Variants in PPP1R3G observed in about 807,000 individuals in gnomAD.
The protein encoded by PPP1R3G is protein phosphatase 1 regulatory subunit 3G.
A neutral mutation model predicts 2.0 loss-of-function variants in PPP1R3G; 3 were observed. The ratio of observed to expected loss-of-function variants is 1.47; its 90% CI spans 0.67 to 3.81. PPP1R3G has a LOEUF of 3.81. PPP1R3G is among the 30% of genes most tolerant of loss of function. The probability of loss-of-function intolerance (pLI) is 0.02; values close to 1 mark genes in which losing one functional copy is unlikely to be tolerated. For missense variants in PPP1R3G, 595 were observed against 517.0 expected (o/e 1.15, Z -1.46); for synonymous variants, 267 against 250.9 (o/e 1.06, Z -0.61).
In PPP1R3G at chr6:5,086,256, G is replaced by T; in HGVS notation, c.771G>T (p.Trp257Cys). The T allele has an allele frequency of 6.5e-7, 1 of 1,535,570 alleles. No homozygotes were observed. Among genetic ancestry groups the T allele is most frequent in the Non-Finnish European group, 8.7e-7 (1 of 1,146,704 alleles). Residue 257 changes from tryptophan (W) to cysteine (C), a missense_variant, in exon 1 of 1, where the codon TGG (tryptophan) becomes TGT (cysteine). Coordinates refer to ENST00000405617, the MANE Select transcript of PPP1R3G (RefSeq NM_001145115.3). ...CCGTGCGCTACACCTTTACCGAGTG[G>T]CGCTCCTTCCTGGACGTGCCGGCTG... ...AVTVRYTFTE[W>C]RSFLDVPAEL...
In PPP1R3G at chr6:5,087,392, G is replaced by A. The variant is rs1001912507; in HGVS notation, c.*830G>A. Reference sequence around the variant, plus strand: ...CTGCGAAAGGGCCCAAACTTCCCATGTGCTTTAAAATGTTCTGTAGAAAGT... The same window carrying A: ...CTGCGAAAGGGCCCAAACTTCCCATATGCTTTAAAATGTTCTGTAGAAAGT... On this transcript the variant is annotated 3_prime_UTR_variant, in exon 1 of 1. Coordinates refer to ENST00000405617, the MANE Select transcript of PPP1R3G (RefSeq NM_001145115.3). 2.0e-5 allele frequency: 3 copies of A among 152,212 alleles called. No homozygotes were observed. The highest frequency in any genetic ancestry group is 7.2e-5 in the African/African-American group (3 of 41,450). The allele number at this position is 152,212 out of a possible 1,614,324, so 9.4% of individuals were successfully genotyped here.
Position 5,085,680 on chromosome 6 carries a change from C to T in PPP1R3G, c.195C>T (p.Ala65=), listed in dbSNP as rs570579669. The T allele has an allele frequency of 5.8e-4, 901 of 1,548,226 alleles. 18 individuals carry two copies. In the South Asian group the frequency reaches 0.01, roughly 18 times the overall value. The change falls in exon 1 of 1, where the codon GCC becomes GCT. Residue 65 remains alanine (A), a synonymous_variant. Transcript: ENST00000405617. ...GDRPLSPKEE[A]APQEQEELLE... is the part of the protein sequence containing the mutation. Reference sequence around the variant, plus strand: ...GGCCCCTGTCCCCGAAGGAAGAGGCCGCCCCCCAGGAGCAGGAGGAGCTGC... The same window carrying T: ...GGCCCCTGTCCCCGAAGGAAGAGGCTGCCCCCCAGGAGCAGGAGGAGCTGC...
chr6:5,085,447 C>T lies in PPP1R3G; in HGVS notation c.-39C>T. On this transcript the variant is annotated 5_prime_UTR_variant, in exon 1 of 1. Transcript: ENST00000405617. ...GGAGTTAGTTAAGTCTCCAGAGGGG[C>T]CCGGTTCGGCCCGAGCAAGTCCAGG... is the stretch of plus-strand genomic sequence containing the variant. 1 of 1,441,704 alleles carries T rather than the reference C, an allele frequency of 6.9e-7. No homozygotes were observed. Among genetic ancestry groups the T allele is most frequent in the Non-Finnish European group, 9.3e-7 (1 of 1,073,196 alleles). The allele number at this position is 1,441,704 out of a possible 1,614,324, so 89.3% of individuals were successfully genotyped here.
rs1486756705 is a variant in PPP1R3G at position 5,087,025 on chromosome 6, G to C, written c.*463G>C. 6.3e-6 allele frequency: 1 copy of C among 159,884 alleles called. No individual in the cohort carries two copies. Among genetic ancestry groups the C allele is most frequent in the Non-Finnish European group, 1.4e-5 (1 of 73,342 alleles). 9.9% of individuals were successfully genotyped at this position (159,884 alleles called of 1,614,324 possible). On this transcript the variant is annotated 3_prime_UTR_variant, in exon 1 of 1. Coordinates refer to ENST00000405617, the MANE Select transcript of PPP1R3G (RefSeq NM_001145115.3). ...GTCCTGCCACGGTGCACCAGAGGAA[G>C]GTGCCACGGACTGTGGGTGCACGCG...
At position 5,086,077 on chromosome 6, in the gene PPP1R3G, C is replaced by T. The variant is rs1402030909; in HGVS notation, c.592C>T (p.Arg198Trp). 1.4e-6 allele frequency: 2 copies of T among 1,468,862 alleles called. No homozygotes were observed. The highest frequency in any genetic ancestry group is 1.8e-6 in the Non-Finnish European group (2 of 1,118,600). The allele number at this position is 1,468,862 out of a possible 1,614,324, so 91.0% of individuals were successfully genotyped here. ...APLSAPPSRLRPLFQLPGPSA... is the reference protein window; with the variant it reads ...APLSAPPSRLWPLFQLPGPSA... The stretch of plus-strand genomic sequence containing the variant: ...CCTTTCAGCGCCGCCTTCCCGGCTC[C>T]GGCCGCTCTTCCAGCTCCCGGGGCC... Residue 198 changes from arginine to tryptophan, a missense_variant, in exon 1 of 1, where the codon CGG becomes TGG. Arg to Trp is a moderately radical substitution (Grantham distance 101, BLOSUM62 -3). Coordinates refer to ENST00000405617, the MANE Select transcript of PPP1R3G (RefSeq NM_001145115.3).
rs1762094020 is a variant in PPP1R3G at position 5,088,153 on chromosome 6, T to C, written c.*1591T>C. 6.6e-6 allele frequency: 1 copy of C among 152,302 alleles called. No individual in the cohort carries two copies. 9.4% of individuals were successfully genotyped at this position (152,302 alleles called of 1,614,324 possible). ...TCTTGTCGCCCAGGCTGGAGTGCAA[T>C]GTGCGATCTTGGCTCATTGCAACCT... On this transcript the variant is annotated 3_prime_UTR_variant, in exon 1 of 1. Transcript: ENST00000405617.
In PPP1R3G at chr6:5,086,534, GCTACGCGCGCC is replaced by G; in HGVS notation, c.1052_1062del (p.Tyr351CysfsTer19). On this transcript the variant is annotated frameshift_variant, in exon 1 of 1. Coordinates refer to ENST00000405617, the MANE Select transcript of PPP1R3G (RefSeq NM_001145115.3). LOFTEE classifies it high-confidence loss of function. ...AACGCGGGCGCCAACTACACGCTGCGCTACGCGCGCCCTGCGGACGCGCTCTGAGCCTGGAG... is the reference window on the plus strand; with the variant it reads ...AACGCGGGCGCCAACTACACGCTGCGCTGCGGACGCGCTCTGAGCCTGGAG... 2 of 1,530,368 alleles carry G rather than the reference GCTACGCGCGCC, an allele frequency of 1.3e-6. No homozygotes were observed. Among genetic ancestry groups the G allele is most frequent in the Non-Finnish European group, 1.8e-6 (2 of 1,140,718 alleles). 94.8% of individuals were successfully genotyped at this position (1,530,368 alleles called of 1,614,324 possible).
In PPP1R3G at chr6:5,086,323, C is replaced by CA. The variant is rs1762017950; in HGVS notation, c.838_839insA (p.Pro280HisfsTer34). On this transcript the variant is annotated frameshift_variant, in exon 1 of 1. Coordinates refer to ENST00000405617, the MANE Select transcript of PPP1R3G (RefSeq NM_001145115.3). LOFTEE classifies it low-confidence loss of function (END_TRUNC). ...GCTGGAGCCACAGCAGCCAGAGGCACCGTCTGGGGCCTCCGAGCCAGGGTC... is the reference window on the plus strand; with the variant it reads ...GCTGGAGCCACAGCAGCCAGAGGCACACGTCTGGGGCCTCCGAGCCAGGGTC... The CA allele has an allele frequency of 3.3e-6, 5 of 1,535,636 alleles. No homozygotes were observed. Among genetic ancestry groups the CA allele is most frequent in the Non-Finnish European group, 3.5e-6 (4 of 1,146,728 alleles).
In PPP1R3G at chr6:5,085,889, C is replaced by T. The variant is rs1420213556; in HGVS notation, c.404C>T (p.Ala135Val). The change falls in exon 1 of 1, where the codon GCG becomes GTG. Residue 135 changes from alanine to valine, a missense_variant. By Grantham distance (64) the Ala-to-Val change is moderately conservative. Transcript: ENST00000405617. ...AAGTGCAAGAAGCGGGTGCAGTTCG[C>T]GGACACGCTGGGGCTAAGCCTGGCC... ...CAKCKKRVQF[A>V]DTLGLSLASV... is the part of the protein sequence containing the mutation. The T allele has an allele frequency of 6.5e-7, 1 of 1,531,176 alleles. No homozygotes were observed. The highest frequency in any genetic ancestry group is 8.7e-7 in the Non-Finnish European group (1 of 1,144,476). 94.8% of individuals were successfully genotyped at this position (1,531,176 alleles called of 1,614,324 possible). A position where few individuals can be genotyped will look rare whatever the true frequency, so the allele number is the denominator to read the frequency against.
chr6:5,087,911 A>T lies in PPP1R3G; in HGVS notation c.*1349A>T, dbSNP rs919099162. 1.3e-5 allele frequency: 2 copies of T among 152,138 alleles called. No individual in the cohort carries two copies. The highest frequency in any genetic ancestry group is 2.9e-5 in the Non-Finnish European group (2 of 68,088). 9.4% of individuals were successfully genotyped at this position (152,138 alleles called of 1,614,324 possible). ...TTTAAGTCTTCCCATTTTCCAGCAC[A>T]TGGCGAGTACAGTCAGTCGTTTTAG... On this transcript the variant is annotated 3_prime_UTR_variant, in exon 1 of 1. Coordinates refer to ENST00000405617, the MANE Select transcript of PPP1R3G (RefSeq NM_001145115.3).
In PPP1R3G at chr6:5,088,869, A is replaced by G. The variant is rs1195864906; in HGVS notation, c.*2307A>G. The G allele has an allele frequency of 6.6e-6, 1 of 152,182 alleles. No homozygotes were observed. The highest frequency in any genetic ancestry group is 1.5e-5 in the Non-Finnish European group (1 of 68,034). 9.4% of individuals were successfully genotyped at this position (152,182 alleles called of 1,614,324 possible). ...ATCTACCTGTTGCCTTCTTTCACCT[A>G]AAAAAATAGTAACACATCAGTGCAA... is the stretch of plus-strand genomic sequence containing the variant. On this transcript the variant is annotated 3_prime_UTR_variant, in exon 1 of 1. Coordinates refer to ENST00000405617, the MANE Select transcript of PPP1R3G (RefSeq NM_001145115.3).
In PPP1R3G at chr6:5,087,332, C is replaced by T. The variant is rs1377421692; in HGVS notation, c.*770C>T. On this transcript the variant is annotated 3_prime_UTR_variant, in exon 1 of 1. Coordinates refer to ENST00000405617, the MANE Select transcript of PPP1R3G (RefSeq NM_001145115.3). ...CACTTTAACAATCCTTAAACAACAG[C>T]CTACAAATTCCTCCCCTTCGTTCCT... 6.6e-6 allele frequency: 1 copy of T among 152,232 alleles called. No individual in the cohort carries two copies. Among genetic ancestry groups the T allele is most frequent in the Non-Finnish European group, 1.5e-5 (1 of 68,050 alleles). 9.4% of individuals were successfully genotyped at this position (152,232 alleles called of 1,614,324 possible). A position where few individuals can be genotyped will look rare whatever the true frequency, so the allele number is the denominator to read the frequency against.
Position 5,085,674 on chromosome 6 carries a change from A to G in PPP1R3G, c.189A>G (p.Glu63=), listed in dbSNP as rs1173151016. 4 of 1,548,260 alleles carry G rather than the reference A, an allele frequency of 2.6e-6. No homozygotes were observed. The highest frequency in any genetic ancestry group is 3.5e-6 in the Non-Finnish European group (4 of 1,146,342). ...GGGATAGGCCCCTGTCCCCGAAGGA[A>G]GAGGCCGCCCCCCAGGAGCAGGAGG... ...QLGDRPLSPK[E]EAAPQEQEEL... is the part of the protein sequence containing the mutation. The change falls in exon 1 of 1, where the codon GAA becomes GAG. Residue 63 remains glutamate (E), a synonymous_variant. Coordinates refer to ENST00000405617, the MANE Select transcript of PPP1R3G (RefSeq NM_001145115.3).
At position 5,085,994 on chromosome 6, in the gene PPP1R3G, G is replaced by A. The variant is rs1761996132; in HGVS notation, c.509G>A (p.Arg170His). 6.6e-7 allele frequency: 1 copy of A among 1,525,108 alleles called. No homozygotes were observed. The highest frequency in any genetic ancestry group is 1.2e-5 in the South Asian group (1 of 83,242). The allele number at this position is 1,525,108 out of a possible 1,614,324, so 94.5% of individuals were successfully genotyped here. A position where few individuals can be genotyped will look rare whatever the true frequency, so the allele number is the denominator to read the frequency against. Residue 170 changes from arginine to histidine, a missense_variant, in exon 1 of 1, where the codon CGT (arginine) becomes CAT (histidine). By Grantham distance (29) the Arg-to-His change is conservative. Coordinates refer to ENST00000405617, the MANE Select transcript of PPP1R3G (RefSeq NM_001145115.3). Reference protein sequence around the residue: ...VLSRLRSFPMRAEDLEQLGGL... With the variant: ...VLSRLRSFPMHAEDLEQLGGL... ...TCGCGCCTCCGAAGCTTCCCTATGC[G>A]TGCCGAGGACCTGGAGCAGCTCGGG...
In PPP1R3G at chr6:5,086,101, C is replaced by T; in HGVS notation, c.616C>T (p.Pro206Ser). ...CCGGCCGCTCTTCCAGCTCCCGGGG[C>T]CGAGCGCCGCGGCCGAGCGTCTGCA... The part of the protein sequence containing the change: ...RLRPLFQLPG[P>S]SAAAERLQRQ... Residue 206 changes from proline to serine, a missense_variant, in exon 1 of 1, where the codon CCG becomes TCG. Pro to Ser is a moderately conservative substitution (Grantham distance 74). Transcript: ENST00000405617. 6.8e-7 allele frequency: 1 copy of T among 1,465,386 alleles called. No homozygotes were observed. The highest frequency in any genetic ancestry group is 8.9e-7 in the Non-Finnish European group (1 of 1,117,764). The allele number at this position is 1,465,386 out of a possible 1,614,324, so 90.8% of individuals were successfully genotyped here.
At position 5,088,554 on chromosome 6, in the gene PPP1R3G, C is replaced by T. The variant is rs970459287; in HGVS notation, c.*1992C>T. 2 of 152,194 alleles carry T rather than the reference C, an allele frequency of 1.3e-5. No homozygotes were observed. The highest frequency in any genetic ancestry group is 2.1e-4 in the South Asian group (1 of 4,830). The allele number at this position is 152,194 out of a possible 1,614,324, so 9.4% of individuals were successfully genotyped here. A position where few individuals can be genotyped will look rare whatever the true frequency, so the allele number is the denominator to read the frequency against. ...CTTCTCTGTGCTGCTTCCATGCTAC[C>T]GCAGCAGAGTGGAGTAGACACAGCA... On this transcript the variant is annotated 3_prime_UTR_variant, in exon 1 of 1. Transcript: ENST00000405617.
Position 5,086,372 on chromosome 6 carries a change from G to A in PPP1R3G, c.887G>A (p.Gly296Asp), listed in dbSNP as rs376200112. The change falls in exon 1 of 1, where the codon GGC becomes GAC. Residue 296 changes from glycine to aspartate, a missense_variant. Gly to Asp is a moderately conservative substitution (Grantham distance 94). Transcript: ENST00000405617. Reference protein sequence around the residue: ...PGSGDAKKEPGAECFHFSLCL... With the variant: ...PGSGDAKKEPDAECFHFSLCL... ...TCCGGGGATGCCAAGAAAGAGCCAG[G>A]CGCCGAGTGCTTCCACTTCTCGCTG... The A allele has an allele frequency of 9.4e-5, 145 of 1,536,086 alleles. No individual in the cohort carries two copies. The African/African-American group carries it at 1.8e-3, about 19-fold the overall frequency.
Position 5,085,997 on chromosome 6 carries a change from C to G in PPP1R3G, c.512C>G (p.Ala171Gly). The G allele has an allele frequency of 6.6e-7, 1 of 1,524,704 alleles. No individual in the cohort carries two copies. Among genetic ancestry groups the G allele is most frequent in the Non-Finnish European group, 8.8e-7 (1 of 1,142,606 alleles). The allele number at this position is 1,524,704 out of a possible 1,614,324, so 94.4% of individuals were successfully genotyped here. A position where few individuals can be genotyped will look rare whatever the true frequency, so the allele number is the denominator to read the frequency against. ...LSRLRSFPMR[A>G]EDLEQLGGLL... The stretch of plus-strand genomic sequence containing the variant: ...CGCCTCCGAAGCTTCCCTATGCGTG[C>G]CGAGGACCTGGAGCAGCTCGGGGGG... Residue 171 changes from alanine (A) to glycine (G), a missense_variant, in exon 1 of 1, where the codon GCC becomes GGC. Physicochemically the swap from Ala to Gly is moderately conservative, Grantham distance 60. Coordinates refer to ENST00000405617, the MANE Select transcript of PPP1R3G (RefSeq NM_001145115.3).
At position 5,086,797 on chromosome 6, in the gene PPP1R3G, C is replaced by G; in HGVS notation, c.*235C>G. The G allele has an allele frequency of 1.8e-6, 1 of 552,966 alleles. No homozygotes were observed. The highest frequency in any genetic ancestry group is 3.2e-6 in the Non-Finnish European group (1 of 315,940). 34.3% of individuals were successfully genotyped at this position (552,966 alleles called of 1,614,324 possible). Reference sequence around the variant, plus strand: ...AGCCTCTGACCTCAGTCTTCTCGTCCGTTTGACCTTCCTACAAGGCCTCTA... The same window carrying G: ...AGCCTCTGACCTCAGTCTTCTCGTCGGTTTGACCTTCCTACAAGGCCTCTA... On this transcript the variant is annotated 3_prime_UTR_variant, in exon 1 of 1. Coordinates refer to ENST00000405617, the MANE Select transcript of PPP1R3G (RefSeq NM_001145115.3).
Sources: allele counts gnomAD v4.1 joint callset, GRCh38; gene constraint gnomAD v4.1.1; transcripts MANE v1.5; gene names NCBI Gene and HGNC (gene_info 2026-07-23, HGNC 2026-07-21).